PLXDC1: variants seen among roughly 807,000 people sequenced by gnomAD.
PLXDC1 encodes plexin domain-containing protein 1.
In PLXDC1, 39 loss-of-function variants were observed where a neutral mutation model predicts 61.3. The ratio of observed to expected loss-of-function variants is 0.64; its 90% CI spans 0.49 to 0.83. The LOEUF (loss-of-function observed/expected upper bound fraction) is 0.83, where lower values mean the gene tolerates loss of function less well. PLXDC1 is among the 40% of genes least tolerant of loss of function. The probability of loss-of-function intolerance (pLI) is 0.00; values close to 1 mark genes in which losing one functional copy is unlikely to be tolerated. For synonymous variants in PLXDC1, 212 were observed against 254.5 expected (o/e 0.83, Z 1.59); for missense variants, 596 against 666.5 (o/e 0.89, Z 1.17).
intron 6 of PLXDC1, among the ~76,000 whole-genome samples, chr17:39,106,871 C>T (rs1296857658): frequency 1.3e-5 from 2 of 151,704 alleles, no homozygotes; most frequent in African/African-American, 4.8e-5. Flanking sequence ...AGGCTGGTCT[C>T]GAACTCCTGA....
intron 7 of PLXDC1, among the ~76,000 whole-genome samples, chr17:39,098,205 CAAAAAAA>C (rs56027303): frequency 0.5 from 51,105 of 101,860 alleles, 12,273 homozygotes; most frequent in Admixed American, 0.63. Context: ...AACTCCATCT[CAAAAAAA>C]AAAAAAAAAA....
chr17:39,128,392 A>AT (rs570467345), intron 2 of PLXDC1, among the ~76,000 whole-genome samples: 100 of 150,646 alleles, frequency 6.6e-4, no homozygotes, highest in African/African-American at 2.4e-3. Context: ...TAATTTTTGT[A>AT]TTTTTTTAGT....
intron 7 of PLXDC1, chr17:39,096,724 TG>T (rs1910218132): frequency 2.8e-6 from 1 of 352,466 alleles, no homozygotes; most frequent in African/African-American, 2.1e-5. Context: ...CCTCACTAAC[TG>T]ATCCCACTAA....
intron 11 of PLXDC1, among the ~76,000 whole-genome samples, chr17:39,077,576 T>A (rs999147090): frequency 1.3e-5 from 2 of 152,226 alleles, no homozygotes; most frequent in Non-Finnish European, 2.9e-5. Flanking sequence ...CTGTGAGGAC[T>A]GCTATTAAGA....
At position 39,109,269 on chromosome 17, in the gene PLXDC1, G is replaced by A. The variant is rs201974167; in HGVS notation, c.378C>T (p.Ser126=). The A allele has an allele frequency of 5.5e-5, 89 of 1,612,440 alleles. 1 individual carries two copies. In the East Asian group the frequency reaches 1.9e-3, roughly 35 times the overall value. Residue 126 remains serine (S), a synonymous_variant, in exon 3 of 14, where the codon TCC becomes TCT. Transcript: ENST00000315392. ...RSQVKIHTIL[S]NTHRQASRVV... Reference sequence around the variant, plus strand: ...TCACCGAAGCCTGCCGGTGGGTGTTGGAGAGTATTGTGTGGATCTTCACTT... The same window carrying A: ...TCACCGAAGCCTGCCGGTGGGTGTTAGAGAGTATTGTGTGGATCTTCACTT...
intron 9 of PLXDC1, among the ~76,000 whole-genome samples, chr17:39,082,134 GCT>G (rs1909585722): frequency 6.6e-6 from 1 of 152,200 alleles, no homozygotes; most frequent in Non-Finnish European, 1.5e-5. Context: ...TGGGCCCAGA[GCT>G]GTGTCCTGTG....
At chr17:39,078,081 G>A in intron 10 of PLXDC1, 33 bp from the exon 11 acceptor site, 1 of 1,544,994 alleles carries the variant, frequency 6.5e-7, no homozygotes, top group South Asian at 1.3e-5. Flanking sequence ...TGTCTTGAAT[G>A]CATTTACACC....
intron 1 of PLXDC1, among the ~76,000 whole-genome samples, chr17:39,150,473 C>T (rs531883830): frequency 6.6e-6 from 1 of 152,302 alleles, no homozygotes; most frequent in Admixed American, 6.5e-5. Context: ...TTAATCATCT[C>T]TGCTGAGGGG....
intron 3 of PLXDC1, 51 bp from the exon 4 acceptor site, chr17:39,109,024 C>G (rs1910699945): frequency 6.9e-7 from 1 of 1,450,546 alleles, no homozygotes. Context: ...GGCCAGGGGC[C>G]TGGGCACCCA....
intron 2 of PLXDC1, among the ~76,000 whole-genome samples, chr17:39,128,127 G>GTATATATATA (rs1567769612): frequency 1.8e-4 from 10 of 56,192 alleles, no homozygotes; most frequent in African/African-American, 6.1e-4. Context: ...ATATATATAT[G>GTATATATATA]TGTATATATA....
intron 2 of PLXDC1, among the ~76,000 whole-genome samples, chr17:39,120,973 C>G (rs1911146235): frequency 2.6e-5 from 4 of 151,984 alleles, no homozygotes; most frequent in Admixed American, 1.3e-4. Flanking sequence ...GGATTACAGG[C>G]ATGAGCCACT....
At chr17:39,070,214 A>G (rs1404696855) in intron 12 of PLXDC1, 198 bp from the exon 13 acceptor site, 3 of 473,196 alleles carry the variant, frequency 6.3e-6, no homozygotes, top group Non-Finnish European at 7.5e-6. Context: ...CCATCTGGGT[A>G]GTTTTCCAAA....
At chr17:39,069,776 G>A in intron 13 of PLXDC1, 80 bp downstream of exon 13, 1 of 1,060,840 alleles carries the variant, frequency 9.4e-7, no homozygotes. Flanking sequence ...GAGGGAGAAG[G>A]GGAGAGGCAG....
intron 11 of PLXDC1, among the ~76,000 whole-genome samples, chr17:39,075,736 C>A (rs911765346): frequency 7.9e-5 from 12 of 152,180 alleles, no homozygotes; most frequent in Non-Finnish European, 2.9e-5. Flanking sequence ...CCAGCCAGGT[C>A]CATGGGTCAC....
intron 1 of PLXDC1, among the ~76,000 whole-genome samples, chr17:39,148,504 CTGAG>C (rs2045354882): frequency 6.6e-6 from 1 of 151,912 alleles, no homozygotes; most frequent in African/African-American, 2.4e-5. Flanking sequence ...CCTCAGCTTC[CTGAG>C]TAACTGAGAT....
Position 39,064,405 on chromosome 17 carries a change from G to A in PLXDC1, c.*3435C>T, listed in dbSNP as rs554835737. On this transcript the variant is annotated 3_prime_UTR_variant, in exon 14 of 14. Coordinates refer to ENST00000315392, the MANE Select transcript of PLXDC1 (RefSeq NM_020405.5). Reference sequence around the variant, plus strand: ...AGCTCTGTGAGAAGTTTTAGGGGCAGGGGGTTTAAATTATCAAATTTAGCT... The same window carrying A: ...AGCTCTGTGAGAAGTTTTAGGGGCAAGGGGTTTAAATTATCAAATTTAGCT... The A allele has an allele frequency of 1.3e-5, 2 of 152,338 alleles. No homozygotes were observed. Among genetic ancestry groups the A allele is most frequent in the African/African-American group, 4.8e-5 (2 of 41,574 alleles). The allele number at this position is 152,338 out of a possible 1,614,324, so 9.4% of individuals were successfully genotyped here.
Position 39,108,118 on chromosome 17 carries a change from C to G in PLXDC1, c.592+5G>C. ...GGTGACTTAAATTCTGAGATCCAGT[C>G]TCACCATTGTCAAAGTAAACAACTG... On this transcript the variant is annotated splice_donor_5th_base_variant and intron_variant, in intron 5 of 13. Coordinates refer to ENST00000315392, the MANE Select transcript of PLXDC1 (RefSeq NM_020405.5). The G allele has an allele frequency of 6.2e-7, 1 of 1,614,148 alleles. No homozygotes were observed. Among genetic ancestry groups the G allele is most frequent in the Non-Finnish European group, 8.5e-7 (1 of 1,180,008 alleles).
In PLXDC1 at chr17:39,063,708, T is replaced by G; in HGVS notation, c.*4132A>C. On this transcript the variant is annotated 3_prime_UTR_variant, in exon 14 of 14. Coordinates refer to ENST00000315392, the MANE Select transcript of PLXDC1 (RefSeq NM_020405.5). ...ATACATTGTGTTTTAGAAGGCTGGG[T>G]GCCCTCAGTCCCCAGATCTTTGAAT... 3.8e-6 allele frequency: 2 copies of G among 528,794 alleles called. No individual in the cohort carries two copies. The highest frequency in any genetic ancestry group is 6.7e-6 in the Non-Finnish European group (2 of 299,292). The allele number at this position is 528,794 out of a possible 1,614,324, so 32.8% of individuals were successfully genotyped here.
chr17:39,107,631 G>T, intron 5 of PLXDC1, 106 bp from the exon 6 acceptor site: 1 of 831,194 alleles, frequency 1.2e-6, no homozygotes, highest in Non-Finnish European at 2.1e-6. Context: ...GTCCCTTCGG[G>T]ATGATGGGGA....
Sources: gnomAD v4.1 joint callset for allele counts (sites outside exome capture counted in the v4.1 genomes callset) on GRCh38, gnomAD v4.1.1 for gene constraint, MANE v1.5 for transcripts, NCBI Gene and HGNC (gene_info 2026-07-23, HGNC 2026-07-21) for gene names.